The following MYO9B variants were observed in gnomAD, a reference collection of about 807,000 sequenced individuals.
MYO9B encodes unconventional myosin-IXb.
A neutral mutation model predicts 229.5 loss-of-function variants in MYO9B; 71 were observed. The ratio of observed to expected loss-of-function variants is 0.31; its 90% confidence interval spans 0.26 to 0.38. MYO9B has a LOEUF of 0.38. Among genes scored for constraint, MYO9B ranks in the 10% least tolerant of loss-of-function variants. The pLI, the probability that MYO9B is intolerant of heterozygous loss-of-function variation, is 1.00. For synonymous variants in MYO9B, 1,185 were observed against 1,235.8 expected (o/e 0.96, Z 0.86); for missense variants, 2,255 against 2,920.5 (o/e 0.77, Z 5.25).
intron 35 of MYO9B, among the ~76,000 whole-genome samples, chr19:17,208,482 A>G (rs1329865920): frequency 6.7e-6 from 1 of 149,798 alleles, no homozygotes; most frequent in African/African-American, 2.5e-5. Flanking sequence ...CCCAGGCTGG[A>G]GTGCAGTGGC....
At chr19:17,098,547 C>T (rs919141954) in intron 1 of MYO9B, among the ~76,000 whole-genome samples, 30 of 152,170 alleles carry the variant, frequency 2.0e-4, no homozygotes, top group African/African-American at 7.0e-4. Context: ...TGACTCATGC[C>T]GCATTTATGG....
intron 3 of MYO9B, among the ~76,000 whole-genome samples, chr19:17,146,635 T>C (rs2072414987): frequency 6.6e-6 from 1 of 152,084 alleles, no homozygotes; most frequent in Non-Finnish European, 1.5e-5. Context: ...GATGAGTAGA[T>C]TCATGGGTAG....
At chr19:17,129,086 G>A (rs1203279325) in intron 2 of MYO9B, among the ~76,000 whole-genome samples, 1 of 152,068 alleles carries the variant, frequency 6.6e-6, no homozygotes, top group Admixed American at 6.6e-5. Context: ...CAGAGGTGGT[G>A]TTGCAGAGGG....
chr19:17,103,083 G>A (rs1405407956), intron 2 of MYO9B, among the ~76,000 whole-genome samples: 1 of 151,122 alleles, frequency 6.6e-6, no homozygotes, highest in African/African-American at 2.4e-5. Context: ...TTACCGAAGT[G>A]CGGTGGCACA....
intron 2 of MYO9B, among the ~76,000 whole-genome samples, chr19:17,140,630 A>G (rs1458242840): frequency 6.6e-6 from 1 of 151,920 alleles, no homozygotes; most frequent in South Asian, 2.1e-4. Flanking sequence ...CTGGGATTAC[A>G]GGCATGTACC....
Position 17,138,192 on chromosome 19 carries a change from T to C in MYO9B, c.841-7205T>C, listed in dbSNP as rs182810796. Among the ~76,000 whole-genome samples the C allele has an allele frequency of 9.7e-4, 148 of 152,216 alleles. 1 individual carries two copies. The highest frequency in any genetic ancestry group is 3.4e-3 in the African/African-American group (143 of 41,524). ...TGTGATAGTTTGGTGAGAATGATGG[T>C]TTCCAGCTTCATCCATGTCCCTGCA... On this transcript the variant is annotated intron_variant, in intron 2 of 39. Transcript: ENST00000682292.
chr19:17,202,439 G>A (rs1456732451), intron 28 of MYO9B, 136 bp downstream of exon 28: 1 of 889,692 alleles, frequency 1.1e-6, no homozygotes. Flanking sequence ...CACAGCCACT[G>A]TGCCATGACT....
intron 6 of MYO9B, 87 bp downstream of exon 6, chr19:17,154,502 C>G: frequency 2.0e-6 from 2 of 1,003,710 alleles, no homozygotes; most frequent in Middle Eastern, 6.5e-4. Flanking sequence ...GTCTAACCTG[C>G]AACCCAGTGA....
intron 2 of MYO9B, among the ~76,000 whole-genome samples, chr19:17,119,472 C>T (rs909817291): frequency 2.6e-5 from 4 of 152,130 alleles, no homozygotes; most frequent in South Asian, 2.1e-4. Context: ...GCAGGGAGGC[C>T]GAGGAGGGGA....
intron 28 of MYO9B, among the ~76,000 whole-genome samples, chr19:17,202,639 C>G (rs893163291): frequency 6.6e-6 from 1 of 152,224 alleles, no homozygotes; most frequent in African/African-American, 2.4e-5. Flanking sequence ...ACACCTACCT[C>G]CTGGTGGGGA....
chr19:17,198,165 C>T lies in MYO9B; in HGVS notation c.4114-19C>T, dbSNP rs3745161. 1.5e-5 allele frequency: 25 copies of T among 1,613,454 alleles called. No homozygotes were observed. The South Asian group carries it at 2.5e-4, about 16-fold the overall frequency. On this transcript the variant is annotated intron_variant, in intron 23 of 39. Coordinates refer to ENST00000682292, the MANE Select transcript of MYO9B (RefSeq NM_004145.4). ...CTGCCAGCCTTTCCTTAGCAGCCCC[C>T]CACTGCACCGTCTTGCAGCCTGCAG...
intron 15 of MYO9B, among the ~76,000 whole-genome samples, chr19:17,182,930 G>C (rs1026633362): frequency 1.3e-5 from 2 of 151,944 alleles, no homozygotes; most frequent in Admixed American, 6.6e-5. Flanking sequence ...TGGGTTTTGG[G>C]GGGGGTTTTG....
rs17533903 is a variant in MYO9B, at chr19:17,145,713, G to A, written c.935+222G>A. 0.22 allele frequency among the ~76,000 whole-genome samples: 33,071 copies of A among 151,908 alleles called. 3,763 individuals carry two copies. The highest frequency in any genetic ancestry group is 0.25 in the African/African-American group (10,187 of 41,442). ...CTGGGGGACGTGGCTAGAGGTAGTG[G>A]GCTTTACCGAGAACAGGCAAGGACA... On this transcript the variant is annotated intron_variant, in intron 3 of 39. Transcript: ENST00000682292.
intron 16 of MYO9B, chr19:17,184,089 G>A (rs748325108): frequency 4.4e-5 from 25 of 574,542 alleles, no homozygotes; most frequent in South Asian, 1.5e-4. Flanking sequence ...CACACACAGC[G>A]GCTTATGGAA....
rs1446805421 is a variant in MYO9B at position 17,173,012 on chromosome 19, G to A, written c.2140+49G>A. 7 of 1,576,636 alleles carry A rather than the reference G, an allele frequency of 4.4e-6. No individual in the cohort carries two copies. The East Asian group carries it at 1.4e-4, about 30-fold the overall frequency. ...CAAAAGCGTCACTGTCGAGAGGGGG[G>A]CACATCCTGAGTTCATCTTAAAGTG... On this transcript the variant is annotated intron_variant, in intron 13 of 39. Transcript: ENST00000682292.
Position 17,212,003 on chromosome 19 carries a change from T to A in MYO9B, c.6167T>A (p.Val2056Glu). 2 of 1,560,300 alleles carry A rather than the reference T, an allele frequency of 1.3e-6. No individual in the cohort carries two copies. The highest frequency in any genetic ancestry group is 2.2e-5 in the South Asian group (2 of 89,674). ...RRPSSFVTVR[V>E]KTPRRTPIMP... is the part of the protein sequence containing the mutation. ...CCGTCGTCCTTCGTAACGGTCAGAGTGAAGACCCCCCGGCGGACCCCCATC... is the reference window on the plus strand; with the variant it reads ...CCGTCGTCCTTCGTAACGGTCAGAGAGAAGACCCCCCGGCGGACCCCCATC... Residue 2056 changes from valine (V) to glutamate (E), a missense_variant, in exon 40 of 40, where the codon GTG becomes GAG. Around this residue, in one of 7 missense-constraint regions of MYO9B, gnomAD observed 331 missense variants for 332.5 expected, o/e 1.00. Coordinates refer to ENST00000682292, the MANE Select transcript of MYO9B (RefSeq NM_004145.4). The surrounding 1 kb of genome is among the most constrained non-coding windows in gnomAD (Gnocchi z 5.4).
At chr19:17,084,049 C>T (rs1278913900) in intron 1 of MYO9B, among the ~76,000 whole-genome samples, 1 of 141,022 alleles carries the variant, frequency 7.1e-6, no homozygotes, top group African/African-American at 2.5e-5. Context: ...GGGTTAATAA[C>T]CCTTTGGGGG....
At chr19:17,145,522 G>C (rs1290595615) in intron 3 of MYO9B, 31 bp downstream of exon 3, 14 of 1,577,438 alleles carry the variant, frequency 8.9e-6, no homozygotes, top group Non-Finnish European at 1.2e-5. Flanking sequence ...CCACTGGTGG[G>C]AGCTGGCCCC....
chr19:17,077,994 TAG>T (rs2057502021), intron 1 of MYO9B, among the ~76,000 whole-genome samples: 2 of 152,138 alleles, frequency 1.3e-5, no homozygotes, highest in African/African-American at 4.8e-5. Context: ...GTGGAGCAGG[TAG>T]AGACGTGGGA....
Sources: gnomAD v4.1 joint callset for allele counts (sites outside exome capture counted in the v4.1 genomes callset) on GRCh38, gnomAD v4.1.1 for gene constraint, gnomAD v4.1.1 regional missense constraint, Gnocchi (gnomAD v3.1) non-coding constraint, MANE v1.5 for transcripts, NCBI Gene and HGNC (gene_info 2026-07-23, HGNC 2026-07-21) for gene names.